FARS2: variants seen among roughly 807,000 people sequenced by gnomAD.
FARS2 encodes phenylalanyl-tRNA synthetase 2, mitochondrial.
FARS2 carries 40 observed loss-of-function variants against 46.4 expected under a neutral mutation model. That is an observed-to-expected ratio of 0.86 (90% CI 0.67 to 1.12). The LOEUF is 1.12. Ranked by LOEUF, FARS2 falls within the 50% of genes most tolerant of loss-of-function variation. The pLI, the probability that FARS2 is intolerant of heterozygous loss-of-function variation, is 0.00. For synonymous variants in FARS2, 234 were observed against 214.9 expected, an observed-to-expected ratio of 1.09 and a Z score of -0.78; for missense variants, 513 against 567.9, an observed-to-expected ratio of 0.90 and a Z score of 0.98.
rs184735838 is a variant in FARS2 at position 5,375,576 on chromosome 6, A to G, written c.612+6394A>G. Among the ~76,000 whole-genome samples the G allele has an allele frequency of 9.3e-4, 142 of 152,226 alleles. 1 individual carries two copies. Among genetic ancestry groups the G allele is most frequent in the African/African-American group, 3.3e-3 (139 of 41,574 alleles). On this transcript the variant is annotated intron_variant, in intron 2 of 6. Coordinates refer to ENST00000274680, the MANE Select transcript of FARS2 (RefSeq NM_006567.5). ...GAGGGACTAATCTTAAAATTTATAG[A>G]AAGAGCCCCAGGTATTAAGACTTAT...
In FARS2 at chr6:5,539,384, G is replaced by GTATATATATA. The variant is rs1554106819; in HGVS notation, c.905-5790_905-5781dup. Among the ~76,000 whole-genome samples the GTATATATATA allele has an allele frequency of 4.4e-4, 35 of 79,592 alleles. 1 individual carries two copies. The highest frequency in any genetic ancestry group is 1.5e-3 in the African/African-American group (33 of 21,626). The allele number at this position is 79,592 out of a possible 152,430, so 52.2% of individuals were successfully genotyped here. ...ACCATGCCCACCTAATTTTTTTTGTGTATATATATATATATGTATATATTT... is the reference window on the plus strand; with the variant it reads ...ACCATGCCCACCTAATTTTTTTTGTGTATATATATATATATATATATATATGTATATATTT... On this transcript the variant is annotated intron_variant, in intron 4 of 6. Transcript: ENST00000274680.
intron 3 of FARS2, among the ~76,000 whole-genome samples, chr6:5,409,014 G>A (rs2432770): frequency 0.55 from 83,727 of 152,026 alleles, 23,502 homozygotes; most frequent in African/African-American, 0.66. Context: ...TTTCCTTTGT[G>A]TTATTTTTTA....
At chr6:5,726,298 C>T (rs1760252104) in intron 6 of FARS2, among the ~76,000 whole-genome samples, 2 of 152,126 alleles carry the variant, frequency 1.3e-5, no homozygotes, top group Non-Finnish European at 2.9e-5. Context: ...TTTGCAGCGC[C>T]TCACTCCCTC....
At chr6:5,767,064 A>T (rs942162960) in intron 6 of FARS2, among the ~76,000 whole-genome samples, 41 of 150,670 alleles carry the variant, frequency 2.7e-4, no homozygotes, top group Admixed American at 1.1e-3. Context: ...TCCAAAAAAA[A>T]TTTTTTTTTC....
the FARS2 span, among the ~76,000 whole-genome samples, chr6:5,252,349 C>T: frequency 6.6e-6 from 1 of 152,188 alleles, no homozygotes; most frequent in Non-Finnish European, 1.5e-5. Flanking sequence ...GTTGCTTCTC[C>T]TCTCTATGCC....
chr6:5,263,785 C>A (rs1765357898), intron 1 of FARS2, among the ~76,000 whole-genome samples: 3 of 152,186 alleles, frequency 2.0e-5, no homozygotes, highest in Admixed American at 1.3e-4. Context: ...TTAATGACCA[C>A]TTAATGCTTT....
chr6:5,492,219 G>A (rs1767165867), intron 4 of FARS2, among the ~76,000 whole-genome samples: 1 of 152,146 alleles, frequency 6.6e-6, no homozygotes, highest in East Asian at 1.9e-4. Flanking sequence ...TTTGAATGGT[G>A]AAAACACAGA....
intron 1 of FARS2, among the ~76,000 whole-genome samples, chr6:5,328,803 A>G (rs189074343): frequency 6.6e-6 from 1 of 152,024 alleles, no homozygotes; most frequent in African/African-American, 2.4e-5. Context: ...TAACATGTAG[A>G]CTTTTTCTCT....
chr6:5,625,956 T>G (rs1776011126), intron 6 of FARS2, among the ~76,000 whole-genome samples: 1 of 152,206 alleles, frequency 6.6e-6, no homozygotes. Flanking sequence ...TACAGAGGCT[T>G]CAGCTGGTTT....
chr6:5,654,391 G>A (rs904257460), intron 6 of FARS2, among the ~76,000 whole-genome samples: 11 of 152,144 alleles, frequency 7.2e-5, no homozygotes, highest in Non-Finnish European at 5.9e-5. Flanking sequence ...ATGTTTTCCT[G>A]CAGTTGATGT....
chr6:5,569,172 G>C (rs1225397314), intron 5 of FARS2, among the ~76,000 whole-genome samples: 1 of 151,716 alleles, frequency 6.6e-6, no homozygotes, highest in Non-Finnish European at 1.5e-5. Flanking sequence ...TGAGAAACAG[G>C]AGAAAAAACA....
chr6:5,359,257 C>T (rs1758149277), intron 1 of FARS2, among the ~76,000 whole-genome samples: 2 of 151,890 alleles, frequency 1.3e-5, no homozygotes, highest in Non-Finnish European at 2.9e-5. Context: ...CCAGGCCATT[C>T]CCAAACTCCT....
intron 4 of FARS2, among the ~76,000 whole-genome samples, chr6:5,468,107 C>T (rs1256477057): frequency 6.6e-6 from 1 of 152,136 alleles, no homozygotes; most frequent in Non-Finnish European, 1.5e-5. Flanking sequence ...GTGATATTCT[C>T]AACCCAAGAG....
intron 5 of FARS2, among the ~76,000 whole-genome samples, chr6:5,612,173 A>G (rs1775224786): frequency 6.6e-6 from 1 of 152,236 alleles, no homozygotes; most frequent in African/African-American, 2.4e-5. Context: ...TTGATATTTC[A>G]AGTTGGATAA....
At chr6:5,656,533 T>C (rs1777613118) in intron 6 of FARS2, among the ~76,000 whole-genome samples, 1 of 152,184 alleles carries the variant, frequency 6.6e-6, no homozygotes. Context: ...CTCTCAACCA[T>C]GTTTCTCCTT....
intron 5 of FARS2, among the ~76,000 whole-genome samples, chr6:5,596,161 C>T (rs981497938): frequency 3.9e-5 from 6 of 152,146 alleles, no homozygotes; most frequent in African/African-American, 1.4e-4. Context: ...GTGCCGCCAC[C>T]GTTATACATT....
intron 1 of FARS2, among the ~76,000 whole-genome samples, chr6:5,322,089 ATGG>A (rs1283339764): frequency 3.9e-5 from 6 of 152,372 alleles, no homozygotes; most frequent in Non-Finnish European, 7.3e-5. Context: ...ATGAACAATA[ATGG>A]TGACCAAAAA....
At chr6:5,411,939 T>C (rs76093509) in intron 3 of FARS2, among the ~76,000 whole-genome samples, 2,758 of 152,342 alleles carry the variant, frequency 0.018, 99 homozygotes, top group African/African-American at 0.063. Context: ...TTTCTAACTT[T>C]TAAATTTCTC....
At chr6:5,385,427 CTTT>C (rs5873979) in intron 2 of FARS2, among the ~76,000 whole-genome samples, 3 of 142,744 alleles carry the variant, frequency 2.1e-5, no homozygotes, top group African/African-American at 2.6e-5. Flanking sequence ...TTTTTCTTTT[CTTT>C]TTTTTTTTTT....
Sources: allele counts gnomAD v4.1 joint callset (sites outside exome capture counted in the v4.1 genomes callset), GRCh38; gene constraint gnomAD v4.1.1; transcripts MANE v1.5; gene names NCBI Gene and HGNC (gene_info 2026-07-23, HGNC 2026-07-21).